Variants in SLC24A4 observed in about 807,000 individuals in gnomAD.
SLC24A4 encodes the protein solute carrier family 24 member 4, also known as sodium/potassium/calcium exchanger 4.
SLC24A4 carries 53 observed loss-of-function variants against 79.0 expected under a neutral mutation model. The ratio of observed to expected loss-of-function variants is 0.67; its 90% CI spans 0.54 to 0.84. The LOEUF is 0.84. Ranked by LOEUF, SLC24A4 falls within the 40% of genes least tolerant of loss-of-function variation. The probability of loss-of-function intolerance (pLI) is 0.00; values close to 1 mark genes in which losing one functional copy is unlikely to be tolerated. For synonymous variants in SLC24A4, 323 were observed against 323.8 expected (o/e 1.00, Z 0.03); for missense variants, 731 against 822.0 (o/e 0.89, Z 1.35).
chr14:92,395,040 G>A (rs1889688364), intron 2 of SLC24A4, among the ~76,000 whole-genome samples: 1 of 152,160 alleles, frequency 6.6e-6, no homozygotes, highest in African/African-American at 2.4e-5. Context: ...AGGAAAACAA[G>A]GGGATTCAGG....
At chr14:92,394,015 GAAAA>G (rs529242878) in intron 2 of SLC24A4, among the ~76,000 whole-genome samples, 1 of 149,652 alleles carries the variant, frequency 6.7e-6, no homozygotes. Flanking sequence ...GGTCCCAGAA[GAAAA>G]AAAAATTATA....
Position 92,442,799 on chromosome 14 carries a change from G to A in SLC24A4, c.565G>A (p.Gly189Arg), listed in dbSNP as rs140536494. 1.2e-4 allele frequency: 197 copies of A among 1,613,936 alleles called. No individual in the cohort carries two copies. The highest frequency in any genetic ancestry group is 1.5e-4 in the Non-Finnish European group (177 of 1,179,926). Reference sequence around the variant, plus strand: ...CATCCTGTGCATAATTGGAGTGTGCGGACTGTTTGCTGGCCAGGTCAGTGG... The same window carrying A: ...CATCCTGTGCATAATTGGAGTGTGCAGACTGTTTGCTGGCCAGGTCAGTGG... Reference protein sequence around the residue: ...FNILCIIGVCGLFAGQVVRLT... With the variant: ...FNILCIIGVCRLFAGQVVRLT... The change falls in exon 6 of 17, where the codon GGA becomes AGA. Residue 189 changes from glycine (G) to arginine (R), a missense_variant. Physicochemically the swap from Gly to Arg is moderately radical, Grantham distance 125 (BLOSUM62 -2). Transcript: ENST00000532405.
At chr14:92,399,081 C>CTAT (rs1250042721) in intron 2 of SLC24A4, among the ~76,000 whole-genome samples, 3 of 152,190 alleles carry the variant, frequency 2.0e-5, no homozygotes, top group Non-Finnish European at 4.4e-5. Context: ...TGCCAGCACT[C>CTAT]TCAAGCAGTA....
At position 92,499,113 on chromosome 14, in the gene SLC24A4, CT is replaced by C. The variant is rs1896043645; in HGVS notation, c.*5486del. 1 of 152,252 alleles carries C rather than the reference CT, an allele frequency of 6.6e-6. No homozygotes were observed. Among genetic ancestry groups the C allele is most frequent in the Admixed American group, 6.5e-5 (1 of 15,288 alleles). The allele number at this position is 152,252 out of a possible 1,614,324, so 9.4% of individuals were successfully genotyped here. ...AAATGGCTCCCAGGTGCCATAGTCT[CT>C]GTTAAATCCTCAAACATTCACAAGC... On this transcript the variant is annotated 3_prime_UTR_variant, in exon 17 of 17. Transcript: ENST00000532405.
intron 2 of SLC24A4, among the ~76,000 whole-genome samples, chr14:92,338,660 G>A (rs930302978): frequency 2.6e-5 from 4 of 152,152 alleles, no homozygotes; most frequent in South Asian, 2.1e-4. Flanking sequence ...TGGGCAGATC[G>A]CACGGCAGCT....
chr14:92,388,179 C>T (rs1889269431), intron 2 of SLC24A4, among the ~76,000 whole-genome samples: 1 of 152,188 alleles, frequency 6.6e-6, no homozygotes, highest in African/African-American at 2.4e-5. Context: ...CTGGGGTGGA[C>T]ACTCCCAGCC....
chr14:92,459,264 G>A (rs1196708415), intron 12 of SLC24A4, among the ~76,000 whole-genome samples: 3 of 152,200 alleles, frequency 2.0e-5, no homozygotes, highest in Non-Finnish European at 4.4e-5. Context: ...CCACGCCTTC[G>A]CCTTGTCCTT....
At chr14:92,472,337 C>G (rs12436852) in intron 12 of SLC24A4, among the ~76,000 whole-genome samples, 26,042 of 151,962 alleles carry the variant, frequency 0.17, 2,320 homozygotes, top group South Asian at 0.25. Flanking sequence ...GTGAGATTTT[C>G]GTGCACGCAT....
At chr14:92,444,932 T>TACACACACACACAC (rs10548937) in intron 7 of SLC24A4, among the ~76,000 whole-genome samples, 3 of 142,836 alleles carry the variant, frequency 2.1e-5, no homozygotes, top group Non-Finnish European at 4.7e-5. Context: ...TACACACACA[T>TACACACACACACAC]ACACACACAC....
chr14:92,440,709 A>G (rs1892443714), intron 4 of SLC24A4, among the ~76,000 whole-genome samples: 1 of 151,948 alleles, frequency 6.6e-6, no homozygotes, highest in Non-Finnish European at 1.5e-5. Context: ...ACCAATGTCA[A>G]GGGCTTAGTG....
chr14:92,493,366 A>T, intron 16 of SLC24A4, 110 bp from the exon 17 acceptor site: 1 of 1,348,852 alleles, frequency 7.4e-7, no homozygotes, highest in Non-Finnish European at 1.0e-6. Context: ...ACACTTGCCC[A>T]CATTCTGCAG....
chr14:92,339,721 G>A (rs1886017681), intron 2 of SLC24A4, among the ~76,000 whole-genome samples: 1 of 152,224 alleles, frequency 6.6e-6, no homozygotes, highest in Non-Finnish European at 1.5e-5. Flanking sequence ...GAGCTCTTTT[G>A]CAGGCTTTGG....
At chr14:92,456,736 TA>T in intron 12 of SLC24A4, 128 bp downstream of exon 12, 1 of 938,706 alleles carries the variant, frequency 1.1e-6, no homozygotes, top group Non-Finnish European at 1.6e-6. Flanking sequence ...GGGTCGATAT[TA>T]GGTCACTGGA....
chr14:92,482,874 G>A, intron 13 of SLC24A4, 28 bp downstream of exon 13: 1 of 1,591,716 alleles, frequency 6.3e-7, no homozygotes. Context: ...GGGGTGGACT[G>A]TGTGCACAGC....
At chr14:92,463,634 C>T (rs145662786) in intron 12 of SLC24A4, among the ~76,000 whole-genome samples, 253 of 152,244 alleles carry the variant, frequency 1.7e-3, no homozygotes, top group Admixed American at 3.5e-3. Flanking sequence ...CCTGGCTGAG[C>T]GTCCTTATTT....
At position 92,490,118 on chromosome 14, in the gene SLC24A4, G is replaced by T. The variant is rs1039000223; in HGVS notation, c.1538-1547G>T. 1.3e-5 allele frequency among the ~76,000 whole-genome samples: 2 copies of T among 152,192 alleles called. No individual in the cohort carries two copies. The highest frequency in any genetic ancestry group is 2.9e-5 in the Non-Finnish European group (2 of 68,040). On this transcript the variant is annotated intron_variant, in intron 14 of 16. Coordinates refer to ENST00000532405, the MANE Select transcript of SLC24A4 (RefSeq NM_153646.4). The surrounding 1 kb of genome is among the most constrained non-coding windows in gnomAD (Gnocchi z 4.3). Reference sequence around the variant, plus strand: ...ATGCAACATGGGCGGGCTGGCAGTCGAACAGAGATGGGCCACCTGTGTGGG... The same window carrying T: ...ATGCAACATGGGCGGGCTGGCAGTCTAACAGAGATGGGCCACCTGTGTGGG...
chr14:92,484,595 C>T, intron 13 of SLC24A4: 2 of 985,406 alleles, frequency 2.0e-6, no homozygotes, highest in African/African-American at 3.5e-5. Context: ...GGCAGAACCA[C>T]TCCAAGCCTC....
In SLC24A4 at chr14:92,498,687, G is replaced by A. The variant is rs1299839266; in HGVS notation, c.*5059G>A. 6.6e-6 allele frequency: 1 copy of A among 152,190 alleles called. No homozygotes were observed. The highest frequency in any genetic ancestry group is 1.9e-4 in the East Asian group (1 of 5,184). The allele number at this position is 152,190 out of a possible 1,614,324, so 9.4% of individuals were successfully genotyped here. A position where few individuals can be genotyped will look rare whatever the true frequency, so the allele number is the denominator to read the frequency against. On this transcript the variant is annotated 3_prime_UTR_variant, in exon 17 of 17. Coordinates refer to ENST00000532405, the MANE Select transcript of SLC24A4 (RefSeq NM_153646.4). ...TAATTTTTGGATTTTTAGTAGAGAA[G>A]GAGTTTCACCATGCTGACCAGGCTG...
At chr14:92,386,142 C>T (rs566277128) in intron 2 of SLC24A4, among the ~76,000 whole-genome samples, 1 of 152,036 alleles carries the variant, frequency 6.6e-6, no homozygotes, top group South Asian at 2.1e-4. Context: ...GGTGTGTTTC[C>T]CTTCATGGTT....
Sources: allele counts gnomAD v4.1 joint callset (sites outside exome capture counted in the v4.1 genomes callset), GRCh38; gene constraint gnomAD v4.1.1; non-coding constraint Gnocchi (gnomAD v3.1); transcripts MANE v1.5; gene names NCBI Gene and HGNC (gene_info 2026-07-23, HGNC 2026-07-21).